HPD: variants seen among roughly 807,000 people sequenced by gnomAD.
HPD encodes the protein 4-hydroxyphenylpyruvate dioxygenase, also known as 4-hydroxyphenylpyruvic acid oxidase.
Under a neutral mutation model 56.9 loss-of-function variants are expected in HPD, and 35 were observed. The ratio of observed to expected loss-of-function variants is 0.62; its 90% CI spans 0.47 to 0.82. The LOEUF (loss-of-function observed/expected upper bound fraction) is 0.82, where lower values mean the gene tolerates loss of function less well. Ranked by LOEUF, HPD falls within the 40% of genes least tolerant of loss-of-function variation. The probability of loss-of-function intolerance (pLI) is 0.00; values close to 1 mark genes in which losing one functional copy is unlikely to be tolerated. For synonymous variants in HPD, 186 were observed against 200.2 expected, an observed-to-expected ratio of 0.93 and a Z score of 0.60; for missense variants, 442 against 506.8, an observed-to-expected ratio of 0.87 and a Z score of 1.23.
At chr12:121,869,003 C>T in the HPD span, among the ~76,000 whole-genome samples, 1 of 152,168 alleles carries the variant, frequency 6.6e-6, no homozygotes, top group East Asian at 1.9e-4. Context: ...ATCCTCCCAG[C>T]TCAGCCTTCC....
At chr12:121,844,639 A>G (rs1009824081) in intron 11 of HPD, among the ~76,000 whole-genome samples, 2 of 151,558 alleles carry the variant, frequency 1.3e-5, no homozygotes, top group Admixed American at 6.6e-5. Flanking sequence ...ATCCCAGCAC[A>G]TTGGGAGGCC....
intron 7 of HPD, among the ~76,000 whole-genome samples, chr12:121,854,022 G>C (rs952204357): frequency 2.0e-5 from 3 of 152,186 alleles, no homozygotes; most frequent in East Asian, 1.9e-4. Flanking sequence ...GGCTGAGTTG[G>C]GCGGATCACC....
the HPD span, among the ~76,000 whole-genome samples, chr12:121,873,626 G>A: frequency 2.0e-5 from 3 of 152,040 alleles, no homozygotes. Context: ...AGACCATCCT[G>A]GATAACACCA....
chr12:121,849,773 G>A lies in HPD; in HGVS notation c.432C>T (p.His144=), dbSNP rs2137619476. Residue 144 remains histidine (H), a synonymous_variant, in exon 8 of 14, where the codon CAC becomes CAT. Transcript: ENST00000289004. ...AVLQTYGDTT[H]TLVEKMNYIG... Reference sequence around the variant, plus strand: ...TGTAGTTCATCTTCTCCACCAGGGTGTGTGTGGTGTCCCCATACTACGGGT... The same window carrying A: ...TGTAGTTCATCTTCTCCACCAGGGTATGTGTGGTGTCCCCATACTACGGGT... 9 of 1,613,396 alleles carry A rather than the reference G, an allele frequency of 5.6e-6. No homozygotes were observed. Among genetic ancestry groups the A allele is most frequent in the Non-Finnish European group, 7.6e-6 (9 of 1,179,542 alleles).
chr12:121,864,681 G>T (rs145632935), upstream of HPD, among the ~76,000 whole-genome samples: 11,475 of 151,536 alleles, frequency 0.076, 887 homozygotes, highest in African/African-American at 0.2. Flanking sequence ...GTGAAACCCC[G>T]TCTCTACTAA....
At chr12:121,879,864 G>A in the HPD span, among the ~76,000 whole-genome samples, 1 of 152,076 alleles carries the variant, frequency 6.6e-6, no homozygotes, top group East Asian at 1.9e-4. Flanking sequence ...GCTATACTGG[G>A]TGGGGCCAGG....
the HPD span, among the ~76,000 whole-genome samples, chr12:121,872,237 CAA>C: frequency 3.4e-4 from 42 of 124,954 alleles, no homozygotes; most frequent in Non-Finnish European, 3.6e-4. Flanking sequence ...AGACTCCTCT[CAA>C]AAAAAAAAAA....
At chr12:121,867,172 C>T (rs1411168253), upstream of HPD, among the ~76,000 whole-genome samples, 2 of 151,962 alleles carry the variant, frequency 1.3e-5, no homozygotes, top group African/African-American at 4.8e-5. Context: ...GCCAACATGG[C>T]AAAACCCCAT....
chr12:121,880,163 A>G, the HPD span, among the ~76,000 whole-genome samples: 196 of 151,306 alleles, frequency 1.3e-3, 5 homozygotes, highest in East Asian at 0.036. Flanking sequence ...AAAAAAAGAA[A>G]AAAAAAAAAA....
At chr12:121,875,498 T>C in the HPD span, among the ~76,000 whole-genome samples, 1 of 150,358 alleles carries the variant, frequency 6.7e-6, no homozygotes, top group Non-Finnish European at 1.5e-5. Context: ...CAATCTCGGC[T>C]CACTGCAACC....
At chr12:121,846,472 C>T (rs755095295) in intron 11 of HPD, among the ~76,000 whole-genome samples, 1 of 152,178 alleles carries the variant, frequency 6.6e-6, no homozygotes, top group African/African-American at 2.4e-5. Context: ...CTGCCTTGGC[C>T]ACCCAAAGTG....
rs572420297 is a variant in HPD, at chr12:121,850,472, C to CTTT, written c.415-685_415-683dup. 7.0e-3 allele frequency among the ~76,000 whole-genome samples: 842 copies of CTTT among 120,146 alleles called. 13 individuals carry two copies. Among genetic ancestry groups the CTTT allele is most frequent in the Non-Finnish European group, 9.9e-3 (589 of 59,788 alleles). The allele number at this position is 120,146 out of a possible 152,430, so 78.8% of individuals were successfully genotyped here. A position where few individuals can be genotyped will look rare whatever the true frequency, so the allele number is the denominator to read the frequency against. ...GAGTTCTGTCAGCCACTTTAACCAT[C>CTTT]TTTTTTTTTTTTTTTTTTTAAGGCG... On this transcript the variant is annotated intron_variant, in intron 7 of 13. Coordinates refer to ENST00000289004, the MANE Select transcript of HPD (RefSeq NM_002150.3).
chr12:121,888,461 A>G, the HPD span, among the ~76,000 whole-genome samples: 1 of 152,200 alleles, frequency 6.6e-6, no homozygotes, highest in African/African-American at 2.4e-5. Flanking sequence ...GGCTGTGTGG[A>G]TGTGAAGAAC....
rs190206084 is a variant in HPD, at chr12:121,856,698, C to T, written c.199-73G>A. ...GGGGAGGTGCACCCATCGGCCCCTC[C>T]CTGCCGACCCGAAACACCCCTGATG... On this transcript the variant is annotated intron_variant, in intron 4 of 13. Coordinates refer to ENST00000289004, the MANE Select transcript of HPD (RefSeq NM_002150.3). 4 of 1,427,934 alleles carry T rather than the reference C, an allele frequency of 2.8e-6. No individual in the cohort carries two copies. In the African/African-American group the frequency reaches 5.6e-5, roughly 20 times the overall value. 88.5% of individuals were successfully genotyped at this position (1,427,934 alleles called of 1,614,324 possible).
chr12:121,839,576 C>T lies in HPD; in HGVS notation c.*152G>A. 1.5e-6 allele frequency: 1 copy of T among 665,106 alleles called. No individual in the cohort carries two copies. Among genetic ancestry groups the T allele is most frequent in the South Asian group, 1.7e-5 (1 of 60,372 alleles). 41.2% of individuals were successfully genotyped at this position (665,106 alleles called of 1,614,324 possible). ...GGAGGGCTGGAGCAGAGGGCGGCCCCGCCGAGGGGCGTGGTCAGTGTGGGC... is the reference window on the plus strand; with the variant it reads ...GGAGGGCTGGAGCAGAGGGCGGCCCTGCCGAGGGGCGTGGTCAGTGTGGGC... On this transcript the variant is annotated 3_prime_UTR_variant, in exon 14 of 14. Transcript: ENST00000289004.
upstream of HPD, among the ~76,000 whole-genome samples, chr12:121,867,559 G>A (rs1878358987): frequency 6.6e-6 from 1 of 151,742 alleles, no homozygotes; most frequent in Admixed American, 6.6e-5. Flanking sequence ...TGTCACCTAG[G>A]CTAGAGTGCA....
At position 121,849,013 on chromosome 12, in the gene HPD, C is replaced by A; in HGVS notation, c.582G>T (p.Val194=). The change falls in exon 9 of 14, where the codon GTG becomes GTT. Residue 194 remains valine, a synonymous_variant. Transcript: ENST00000289004. ...CAAGGTCTCACCATTCGGAGGCGGACACCATCTCCTGATCAGGCTGGTTTC... is the reference window on the plus strand; with the variant it reads ...CAAGGTCTCACCATTCGGAGGCGGAAACCATCTCCTGATCAGGCTGGTTTC... ...IVGNQPDQEM[V]SASEWYLKNL... 1 of 1,613,436 alleles carries A rather than the reference C, an allele frequency of 6.2e-7. No homozygotes were observed. The highest frequency in any genetic ancestry group is 8.5e-7 in the Non-Finnish European group (1 of 1,179,570).
At chr12:121,878,342 G>GT in the HPD span, among the ~76,000 whole-genome samples, 2 of 151,974 alleles carry the variant, frequency 1.3e-5, no homozygotes, top group South Asian at 2.1e-4. Flanking sequence ...CAGCTATGTG[G>GT]TTTTTTGTTT....
chr12:121,845,600 CAA>C (rs368263414), intron 11 of HPD, among the ~76,000 whole-genome samples: 118 of 92,620 alleles, frequency 1.3e-3, no homozygotes, highest in South Asian at 5.0e-3. Flanking sequence ...GGCTCCGTCT[CAA>C]AAAAAAAAAA....
Sources: gnomAD v4.1 joint callset for allele counts (sites outside exome capture counted in the v4.1 genomes callset) on GRCh38, gnomAD v4.1.1 for gene constraint, MANE v1.5 for transcripts, NCBI Gene and HGNC (gene_info 2026-07-23, HGNC 2026-07-21) for gene names.